The following POLA1 variants were observed in gnomAD, a reference collection of about 807,000 sequenced individuals.
POLA1 encodes the protein DNA polymerase alpha catalytic subunit.
POLA1 carries 15 observed loss-of-function variants against 124.0 expected under a neutral mutation model. The observed-to-expected ratio is 0.12, with a 90% CI of 0.08 to 0.19. POLA1 has a LOEUF of 0.19. Ranked by LOEUF, POLA1 falls within the 10% of genes least tolerant of loss-of-function variation. The pLI, the probability that POLA1 is intolerant of heterozygous loss-of-function variation, is 1.00. For synonymous variants in POLA1, 408 were observed against 389.4 expected (o/e 1.05, Z -0.56); for missense variants, 886 against 1,103.4 (o/e 0.80, Z 2.79).
intron 26 of POLA1, among the ~76,000 whole-genome samples, chrX:24,764,237 C>T (rs906167999): frequency 1.8e-5 from 2 of 112,524 alleles, no homozygotes; most frequent in African/African-American, 6.5e-5. Flanking sequence ...AAACAACCTT[C>T]TACCGTTCTG....
At chrX:24,723,517 A>G (rs887005092) in intron 11 of POLA1, among the ~76,000 whole-genome samples, 1 of 112,156 alleles carries the variant, frequency 8.9e-6, no homozygotes, top group African/African-American at 3.2e-5. Flanking sequence ...TTTAGTATAT[A>G]ATGCTTTCTT....
intron 15 of POLA1, among the ~76,000 whole-genome samples, chrX:24,731,282 C>G (rs767930262): frequency 1.8e-5 from 2 of 111,992 alleles, no homozygotes; most frequent in South Asian, 7.5e-4. Flanking sequence ...CTAGGACAAA[C>G]AGCCTAGTTT....
At chrX:24,815,687 C>T (rs1179457834) in intron 30 of POLA1, among the ~76,000 whole-genome samples, 18 of 111,509 alleles carry the variant, frequency 1.6e-4, no homozygotes, top group African/African-American at 5.9e-4. Flanking sequence ...AATTTATTCC[C>T]ATTTTAGTAC....
rs900186151 is a variant in POLA1 at position 24,975,980 on chromosome X, A to G, written c.4262-19825A>G. Reference sequence around the variant, plus strand: ...TTAGCATTGCTTTGAAATTTTACTCACCACAGTGCTAGATCTTGTCTATAA... The same window carrying G: ...TTAGCATTGCTTTGAAATTTTACTCGCCACAGTGCTAGATCTTGTCTATAA... On this transcript the variant is annotated intron_variant, in intron 36 of 36. Transcript: ENST00000379068. 2.7e-5 allele frequency among the ~76,000 whole-genome samples: 3 copies of G among 112,401 alleles called. No homozygotes were observed. The East Asian group carries it at 8.3e-4, about 31-fold the overall frequency.
intron 26 of POLA1, among the ~76,000 whole-genome samples, chrX:24,802,079 G>A (rs945887730): frequency 2.7e-5 from 3 of 109,340 alleles, no homozygotes; most frequent in African/African-American, 3.3e-5. Context: ...AGCAGAATTC[G>A]TTCTCCCTTG....
intron 26 of POLA1, among the ~76,000 whole-genome samples, chrX:24,782,673 T>C (rs1434488187): frequency 1.8e-5 from 2 of 110,918 alleles, no homozygotes; most frequent in African/African-American, 3.3e-5. Context: ...GAGTCCCTTA[T>C]AGTGGTCCCC....
In POLA1 at chrX:24,716,436, C is replaced by T; in HGVS notation, c.600C>T (p.Phe200=). ...KRSIGASPNP[F]SVHTATAVPS... is the part of the protein sequence containing the mutation. ...CCATTGGAGCTTCACCGAATCCTTTCTCTGTGCACACCGCCACGGTAAAGT... is the reference window on the plus strand; with the variant it reads ...CCATTGGAGCTTCACCGAATCCTTTTTCTGTGCACACCGCCACGGTAAAGT... Residue 200 remains phenylalanine (F), a synonymous_variant, in exon 7 of 37, where the codon TTC becomes TTT. Transcript: ENST00000379068. 2 of 1,126,804 alleles carry T rather than the reference C, an allele frequency of 1.8e-6. No individual in the cohort carries two copies. The highest frequency in any genetic ancestry group is 1.8e-5 in the South Asian group (1 of 54,881). 92.9% of individuals were successfully genotyped at this position (1,126,804 alleles called of 1,213,427 possible).
intron 6 of POLA1, among the ~76,000 whole-genome samples, chrX:24,715,636 C>T (rs1023928158): frequency 7.2e-5 from 8 of 111,342 alleles, no homozygotes; most frequent in Admixed American, 9.6e-5. Context: ...CAACAAAAAA[C>T]CCCCCACCAA....
chrX:24,910,452 C>G lies in POLA1; in HGVS notation c.4165-20001C>G, dbSNP rs746996089. ...TTTATTGAGAGTTTTTAGCATGAAG[C>G]GTTGTTGAATTTTGTCAAAGGCCTT... On this transcript the variant is annotated intron_variant, in intron 35 of 36. Coordinates refer to ENST00000379068, the MANE Select transcript of POLA1 (RefSeq NM_001330360.2). Among the ~76,000 whole-genome samples the G allele has an allele frequency of 1.4e-3, 159 of 110,854 alleles. 2 individuals carry two copies. The highest frequency in any genetic ancestry group is 5.1e-3 in the African/African-American group (155 of 30,485).
In POLA1 at chrX:24,695,097, T is replaced by C. The variant is rs569280157; in HGVS notation, c.43+1093T>C. Among the ~76,000 whole-genome samples the C allele has an allele frequency of 4.5e-5, 5 of 111,770 alleles. No individual in the cohort carries two copies. The South Asian group carries it at 1.5e-3, about 34-fold the overall frequency. On this transcript the variant is annotated intron_variant, in intron 1 of 36. Transcript: ENST00000379068. ...TCACTTTGGAGGATACTGTGCAATC[T>C]TGAGACTCCTCTTAGGTCATGGTGT...
At chrX:24,831,221 G>C (rs1265198427) in intron 32 of POLA1, among the ~76,000 whole-genome samples, 1 of 111,003 alleles carries the variant, frequency 9.0e-6, no homozygotes, top group Non-Finnish European at 1.9e-5. Context: ...ATGTTTGGGG[G>C]TGCTTTTGAC....
chrX:24,814,878 G>A, intron 29 of POLA1, 101 bp from the exon 30 acceptor site: 2 of 770,884 alleles, frequency 2.6e-6, no homozygotes, highest in Non-Finnish European at 3.6e-6. Context: ...TTAACCACAT[G>A]TTAATCTAAT....
intron 32 of POLA1, among the ~76,000 whole-genome samples, chrX:24,840,565 A>G (rs1165450563): frequency 8.9e-6 from 1 of 112,283 alleles, no homozygotes; most frequent in African/African-American, 3.2e-5. Flanking sequence ...TCTGTCACTG[A>G]ATTCTGAATG....
At chrX:24,789,710 A>G (rs2045455360) in intron 26 of POLA1, among the ~76,000 whole-genome samples, 1 of 112,315 alleles carries the variant, frequency 8.9e-6, no homozygotes, top group Non-Finnish European at 1.9e-5. Flanking sequence ...TTTAAAGAAC[A>G]TCAGTAATAA....
chrX:24,711,108 G>A (rs11798618), intron 4 of POLA1, among the ~76,000 whole-genome samples: 271 of 111,126 alleles, frequency 2.4e-3, no homozygotes, highest in Admixed American at 5.4e-3. Flanking sequence ...TCAGTGTCCC[G>A]AGTAGCCAGG....
chrX:24,706,245 G>C (rs1055055288), intron 4 of POLA1, among the ~76,000 whole-genome samples: 1 of 111,665 alleles, frequency 9.0e-6, no homozygotes, highest in African/African-American at 3.3e-5. Context: ...TGGCTGGTGA[G>C]AGCCCCTTTA....
chrX:24,728,492 A>C (rs1382288528), intron 15 of POLA1, among the ~76,000 whole-genome samples: 1 of 112,159 alleles, frequency 8.9e-6, no homozygotes, highest in Non-Finnish European at 1.9e-5. Flanking sequence ...TGTTTGAATC[A>C]GGATTCACAC....
intron 35 of POLA1, among the ~76,000 whole-genome samples, chrX:24,902,978 T>C (rs2047303610): frequency 8.9e-6 from 1 of 112,492 alleles, no homozygotes. Flanking sequence ...TGAGTCATGA[T>C]GACGTAGAGA....
intron 34 of POLA1, among the ~76,000 whole-genome samples, chrX:24,878,074 G>A (rs2147123423): frequency 9.0e-6 from 1 of 110,650 alleles, no homozygotes; most frequent in East Asian, 2.8e-4. Flanking sequence ...CAGATCTCTT[G>A]TCTACCCTTA....
Sources: gnomAD v4.1 joint callset for allele counts (sites outside exome capture counted in the v4.1 genomes callset) on GRCh38, gnomAD v4.1.1 for gene constraint, MANE v1.5 for transcripts, NCBI Gene and HGNC (gene_info 2026-07-23, HGNC 2026-07-21) for gene names.